LINGO2: variants seen among roughly 807,000 people sequenced by gnomAD.
The protein encoded by LINGO2 is leucine-rich repeat and immunoglobulin-like domain-containing nogo receptor-interacting protein 2.
In LINGO2, 14 loss-of-function variants were observed where a neutral mutation model predicts 30.6. The ratio of observed to expected loss-of-function variants is 0.46; its 90% CI spans 0.30 to 0.72. The LOEUF is 0.72. Ranked by LOEUF, LINGO2 falls within the 30% of genes least tolerant of loss-of-function variation. The probability of loss-of-function intolerance (pLI) is 0.07; values close to 1 mark genes in which losing one functional copy is unlikely to be tolerated. For synonymous variants in LINGO2, 317 were observed against 288.5 expected (o/e 1.10, Z -1.00); for missense variants, 729 against 751.7 (o/e 0.97, Z 0.35).
At chr9:28,050,770 TAA>T (rs1401191635) in intron 4 of LINGO2, among the ~76,000 whole-genome samples, 2 of 150,844 alleles carry the variant, frequency 1.3e-5, no homozygotes, top group Non-Finnish European at 2.9e-5. Context: ...GTCTACAACT[TAA>T]AATATTCATG....
chr9:28,466,838 A>C (rs1261018402), intron 2 of LINGO2, among the ~76,000 whole-genome samples: 2 of 152,212 alleles, frequency 1.3e-5, no homozygotes, highest in African/African-American at 4.8e-5. Context: ...ACAAGGCATG[A>C]ATAAAATTAT....
intron 4 of LINGO2, among the ~76,000 whole-genome samples, chr9:28,290,245 A>T (rs1404371874): frequency 6.6e-6 from 1 of 152,186 alleles, no homozygotes; most frequent in African/African-American, 2.4e-5. Context: ...GCTAATATTT[A>T]TGTGGGCCTA....
At chr9:28,662,753 C>T (rs943903932) in intron 1 of LINGO2, among the ~76,000 whole-genome samples, 1 of 151,900 alleles carries the variant, frequency 6.6e-6, no homozygotes, top group African/African-American at 2.4e-5. Context: ...AAAATAGTGC[C>T]CGGCACATGG....
chr9:29,075,405 T>A, the LINGO2 span, among the ~76,000 whole-genome samples: 6 of 152,190 alleles, frequency 3.9e-5, no homozygotes, highest in African/African-American at 7.2e-5. Context: ...CAGATGGATA[T>A]ACTGTGATTG....
chr9:28,340,274 A>G (rs1825724749), intron 3 of LINGO2, among the ~76,000 whole-genome samples: 1 of 152,196 alleles, frequency 6.6e-6, no homozygotes, highest in Admixed American at 6.6e-5. Flanking sequence ...TTAGATAGTT[A>G]CATAAAGCTT....
chr9:28,109,869 T>A (rs1268617544), intron 4 of LINGO2, among the ~76,000 whole-genome samples: 1 of 152,186 alleles, frequency 6.6e-6, no homozygotes, highest in Non-Finnish European at 1.5e-5. Context: ...GTTGACTTTA[T>A]TCACAGCATT....
the LINGO2 span, among the ~76,000 whole-genome samples, chr9:28,931,134 G>T: frequency 6.6e-6 from 1 of 152,098 alleles, no homozygotes; most frequent in South Asian, 2.1e-4. Flanking sequence ...AATGTCCCTA[G>T]CCATATACTC....
At chr9:28,552,734 T>C (rs879413206) in intron 1 of LINGO2, among the ~76,000 whole-genome samples, 2 of 151,690 alleles carry the variant, frequency 1.3e-5, no homozygotes, top group African/African-American at 4.8e-5. Context: ...TCTCTGTGGG[T>C]TCCCTAATTT....
At chr9:28,517,413 C>A (rs1820662802) in intron 1 of LINGO2, among the ~76,000 whole-genome samples, 1 of 152,130 alleles carries the variant, frequency 6.6e-6, no homozygotes. Flanking sequence ...TTAATCACTC[C>A]TTTCAATCAA....
At chr9:28,768,094 A>C in the LINGO2 span, among the ~76,000 whole-genome samples, 1 of 152,226 alleles carries the variant, frequency 6.6e-6, no homozygotes, top group Admixed American at 6.5e-5. Context: ...AATAATTATA[A>C]AGAGATCTTC....
intron 1 of LINGO2, among the ~76,000 whole-genome samples, chr9:28,609,248 G>A (rs1825815408): frequency 6.7e-6 from 1 of 150,048 alleles, no homozygotes; most frequent in Non-Finnish European, 1.5e-5. Flanking sequence ...GTCCTTTCTA[G>A]CAAGGATGCA....
At chr9:28,032,246 C>A (rs770921219) in intron 4 of LINGO2, among the ~76,000 whole-genome samples, 1 of 152,068 alleles carries the variant, frequency 6.6e-6, no homozygotes, top group African/African-American at 2.4e-5. Flanking sequence ...GGTCCAGGTG[C>A]AGGCTGTTTT....
intron 2 of LINGO2, among the ~76,000 whole-genome samples, chr9:28,386,625 C>T (rs763986091): frequency 2.0e-5 from 3 of 152,118 alleles, no homozygotes; most frequent in East Asian, 1.9e-4. Context: ...ATCATAGTTG[C>T]TTACCTCAAT....
At chr9:28,280,189 A>G (rs1025411486) in intron 4 of LINGO2, among the ~76,000 whole-genome samples, 1 of 152,192 alleles carries the variant, frequency 6.6e-6, no homozygotes, top group African/African-American at 2.4e-5. Context: ...CGGAAAAATT[A>G]CATTTATGAA....
the LINGO2 span, among the ~76,000 whole-genome samples, chr9:28,872,209 A>G: frequency 1.3e-5 from 2 of 152,096 alleles, no homozygotes; most frequent in African/African-American, 4.8e-5. Flanking sequence ...TGTTTTAATG[A>G]TTCCCAAAAA....
chr9:29,047,736 C>T, the LINGO2 span, among the ~76,000 whole-genome samples: 1 of 152,144 alleles, frequency 6.6e-6, no homozygotes, highest in Non-Finnish European at 1.5e-5. Context: ...AAAGACTCCA[C>T]AAGAAAACTA....
intron 4 of LINGO2, among the ~76,000 whole-genome samples, chr9:28,118,217 C>T (rs1028546110): frequency 2.0e-5 from 3 of 152,066 alleles, no homozygotes; most frequent in South Asian, 2.1e-4. Flanking sequence ...ACACATCCTG[C>T]ACATGGACCC....
intron 2 of LINGO2, among the ~76,000 whole-genome samples, chr9:28,406,463 T>A (rs1207786637): frequency 6.6e-6 from 1 of 152,194 alleles, no homozygotes; most frequent in Non-Finnish European, 1.5e-5. Flanking sequence ...TGTCAATCTT[T>A]GCCTTTCATT....
the LINGO2 span, among the ~76,000 whole-genome samples, chr9:29,194,274 T>C: frequency 6.6e-6 from 1 of 152,166 alleles, no homozygotes; most frequent in Admixed American, 6.5e-5. Flanking sequence ...CCCATGTTTA[T>C]TGTCCAAATA....
Sources: allele counts gnomAD v4.1 joint callset (sites outside exome capture counted in the v4.1 genomes callset), GRCh38; gene constraint gnomAD v4.1.1; transcripts MANE v1.5; gene names NCBI Gene and HGNC (gene_info 2026-07-23, HGNC 2026-07-21).